BORCS5: variants seen among roughly 807,000 people sequenced by gnomAD.
BORCS5 encodes the protein BLOC-1-related complex subunit 5.
A neutral mutation model predicts 22.1 loss-of-function variants in BORCS5; 17 were observed. That is an observed-to-expected ratio of 0.77 (90% CI 0.53 to 1.15). The LOEUF (loss-of-function observed/expected upper bound fraction) is 1.15, where lower values mean the gene tolerates loss of function less well. Among genes scored for constraint, BORCS5 ranks in the 50% most tolerant of loss-of-function variants. The pLI is 0.00. For missense variants in BORCS5, 247 were observed against 253.2 expected (o/e 0.98, Z 0.17); for synonymous variants, 117 against 99.8 (o/e 1.17, Z -1.03).
chr12:12,410,105 C>T (rs1435050028), intron 2 of BORCS5, among the ~76,000 whole-genome samples: 1 of 152,066 alleles, frequency 6.6e-6, no homozygotes, highest in Admixed American at 6.5e-5. Flanking sequence ...TGTTTGAGTT[C>T]ATTGTAGATT....
rs1463580034 is a variant in BORCS5 at position 12,468,806 on chromosome 12, T to A, written c.*3030T>A. ...GGCCTCTATGTGCAGTCTCCTGGTT[T>A]CCCTGGTCAAAGTGGAAGGTTGGTA... On this transcript the variant is annotated 3_prime_UTR_variant, in exon 4 of 4. Coordinates refer to ENST00000314565, the MANE Select transcript of BORCS5 (RefSeq NM_058169.6). 2 of 152,220 alleles carry A rather than the reference T, an allele frequency of 1.3e-5. No individual in the cohort carries two copies. Among genetic ancestry groups the A allele is most frequent in the Non-Finnish European group, 2.9e-5 (2 of 68,044 alleles). The allele number at this position is 152,220 out of a possible 1,614,324, so 9.4% of individuals were successfully genotyped here. A position where few individuals can be genotyped will look rare whatever the true frequency, so the allele number is the denominator to read the frequency against.
intron 2 of BORCS5, among the ~76,000 whole-genome samples, chr12:12,396,238 C>T (rs756657623): frequency 2.6e-5 from 4 of 152,224 alleles, no homozygotes; most frequent in Admixed American, 1.3e-4. Flanking sequence ...CTGCCCGCCT[C>T]GGCCTCCCGA....
chr12:12,395,435 AT>A (rs59277387), intron 2 of BORCS5, among the ~76,000 whole-genome samples: 20,044 of 108,028 alleles, frequency 0.19, 1,616 homozygotes, highest in African/African-American at 0.38. Context: ...CACCCAGCTA[AT>A]TTTTTTTTTT....
At chr12:12,456,543 ACT>A (rs1943001443) in intron 3 of BORCS5, among the ~76,000 whole-genome samples, 3 of 152,014 alleles carry the variant, frequency 2.0e-5, no homozygotes, top group Non-Finnish European at 4.4e-5. Context: ...GAAGCACCGT[ACT>A]CTCTTGTTGG....
chr12:12,448,116 C>T (rs183659339), intron 3 of BORCS5, among the ~76,000 whole-genome samples: 23 of 152,344 alleles, frequency 1.5e-4, no homozygotes, highest in Middle Eastern at 3.4e-3. Context: ...CGAAGTGGAG[C>T]TGGGATGCAG....
At chr12:12,359,671 TAAAA>T (rs56798094) in intron 1 of BORCS5, among the ~76,000 whole-genome samples, 2 of 138,120 alleles carry the variant, frequency 1.4e-5, no homozygotes, top group African/African-American at 5.4e-5. Context: ...CGCCTTGACT[TAAAA>T]AAAAAAAAAA....
chr12:12,455,397 A>G (rs1370175324), intron 3 of BORCS5, among the ~76,000 whole-genome samples: 2 of 152,228 alleles, frequency 1.3e-5, no homozygotes, highest in African/African-American at 4.8e-5. Context: ...TCAAATAAAA[A>G]TTGACCTTGA....
At chr12:12,407,956 C>T (rs996073009) in intron 2 of BORCS5, among the ~76,000 whole-genome samples, 1 of 152,034 alleles carries the variant, frequency 6.6e-6, no homozygotes, top group Non-Finnish European at 1.5e-5. Flanking sequence ...GGGATCCTTC[C>T]ACCTCGGCCT....
At chr12:12,380,024 G>T (rs1250000894) in intron 2 of BORCS5, among the ~76,000 whole-genome samples, 2 of 151,294 alleles carry the variant, frequency 1.3e-5, no homozygotes, top group East Asian at 3.8e-4. Flanking sequence ...GTATTTCAGG[G>T]AGTAGGTCCA....
At chr12:12,395,435 ATTTT>A (rs59277387) in intron 2 of BORCS5, among the ~76,000 whole-genome samples, 92 of 107,840 alleles carry the variant, frequency 8.5e-4, no homozygotes, top group African/African-American at 3.6e-3. Context: ...CACCCAGCTA[ATTTT>A]TTTTTTTTTT....
intron 2 of BORCS5, among the ~76,000 whole-genome samples, chr12:12,422,299 A>C (rs1244060373): frequency 6.6e-6 from 1 of 151,000 alleles, no homozygotes; most frequent in Non-Finnish European, 1.5e-5. Context: ...TTTTTTTTTT[A>C]AGTGAAAACA....
At chr12:12,415,150 G>A (rs1345841923) in intron 2 of BORCS5, among the ~76,000 whole-genome samples, 2 of 151,720 alleles carry the variant, frequency 1.3e-5, no homozygotes, top group African/African-American at 4.8e-5. Context: ...ACGGGGTGGC[G>A]GCTGGGCAGA....
chr12:12,430,855 T>G (rs1222417357), intron 2 of BORCS5, among the ~76,000 whole-genome samples: 1 of 152,222 alleles, frequency 6.6e-6, no homozygotes, highest in Non-Finnish European at 1.5e-5. Flanking sequence ...ATATACCTTT[T>G]AAAAATTTTA....
rs1863852775 is a variant in BORCS5 at position 12,385,070 on chromosome 12, A to G, written c.202+23721A>G. Among the ~76,000 whole-genome samples the G allele has an allele frequency of 2.0e-5, 3 of 151,600 alleles. No homozygotes were observed. In the South Asian group the frequency reaches 6.3e-4, roughly 32 times the overall value. Reference sequence around the variant, plus strand: ...AAATGGCTCTGCGTGGCAGGGTAGCACATTCAAAGTTCAGGCCATTTTCAA... The same window carrying G: ...AAATGGCTCTGCGTGGCAGGGTAGCGCATTCAAAGTTCAGGCCATTTTCAA... On this transcript the variant is annotated intron_variant, in intron 2 of 3. Coordinates refer to ENST00000314565, the MANE Select transcript of BORCS5 (RefSeq NM_058169.6).
Position 12,468,109 on chromosome 12 carries a change from T to G in BORCS5, c.*2333T>G, listed in dbSNP as rs1943231784. ...TCGTACTTGCTCTCCCTCACCATCC[T>G]TTCCAACCGCCTGGCCTGTGGTCTG... On this transcript the variant is annotated 3_prime_UTR_variant, in exon 4 of 4. Coordinates refer to ENST00000314565, the MANE Select transcript of BORCS5 (RefSeq NM_058169.6). 1 of 152,254 alleles carries G rather than the reference T, an allele frequency of 6.6e-6. No homozygotes were observed. Among genetic ancestry groups the G allele is most frequent in the Non-Finnish European group, 1.5e-5 (1 of 68,076 alleles). 9.4% of individuals were successfully genotyped at this position (152,254 alleles called of 1,614,324 possible). A position where few individuals can be genotyped will look rare whatever the true frequency, so the allele number is the denominator to read the frequency against.
intron 2 of BORCS5, among the ~76,000 whole-genome samples, chr12:12,403,064 CTTT>C (rs527519657): frequency 6.9e-6 from 1 of 144,718 alleles, no homozygotes; most frequent in African/African-American, 2.5e-5. Context: ...CCACATTTCC[CTTT>C]TTTTTTTTGC....
At chr12:12,436,865 A>G (rs998173903) in intron 3 of BORCS5, among the ~76,000 whole-genome samples, 1 of 152,252 alleles carries the variant, frequency 6.6e-6, no homozygotes, top group Non-Finnish European at 1.5e-5. Flanking sequence ...TTGGAAAACT[A>G]TTAAACATGA....
Position 12,465,758 on chromosome 12 carries a change from C to T in BORCS5, c.573C>T (p.Asp191=). Residue 191 remains aspartate (D), a synonymous_variant, in exon 4 of 4, where the codon GAC becomes GAT. Transcript: ENST00000314565. ...ERLEPFSMKP[D]RELRL is the part of the protein sequence containing the mutation. The stretch of plus-strand genomic sequence containing the variant: ...TGGAGCCCTTCAGCATGAAGCCCGA[C>T]CGCGAGCTCAGGCTGTAGCTGCTGC... 6.2e-7 allele frequency: 1 copy of T among 1,612,992 alleles called. No individual in the cohort carries two copies. The highest frequency in any genetic ancestry group is 8.5e-7 in the Non-Finnish European group (1 of 1,179,750).
chr12:12,385,474 C>T (rs1036454447), intron 2 of BORCS5, among the ~76,000 whole-genome samples: 3 of 151,208 alleles, frequency 2.0e-5, no homozygotes, highest in Non-Finnish European at 4.4e-5. Flanking sequence ...AGAAGCCTCA[C>T]ATCTCAATGA....
Sources: allele counts gnomAD v4.1 joint callset (sites outside exome capture counted in the v4.1 genomes callset), GRCh38; gene constraint gnomAD v4.1.1; transcripts MANE v1.5; gene names NCBI Gene and HGNC (gene_info 2026-07-23, HGNC 2026-07-21).